SIRPB2: variants seen among roughly 807,000 people sequenced by gnomAD.
SIRPB2 encodes the protein signal regulatory protein beta 2.
SIRPB2 carries 18 observed loss-of-function variants against 27.1 expected under a neutral mutation model. That is an observed-to-expected ratio of 0.66 (90% CI 0.46 to 0.98). The LOEUF (loss-of-function observed/expected upper bound fraction) is 0.98. SIRPB2 is among the 50% of genes least tolerant of loss of function. SIRPB2 has a pLI of 0.00. For missense variants in SIRPB2, 420 were observed against 417.4 expected, an observed-to-expected ratio of 1.01 and a Z score of -0.06; for synonymous variants, 150 against 164.6, an observed-to-expected ratio of 0.91 and a Z score of 0.68.
At chr20:1,473,473 T>A (rs914497208), downstream of SIRPB2, among the ~76,000 whole-genome samples, 3 of 151,922 alleles carry the variant, frequency 2.0e-5, no homozygotes, top group African/African-American at 7.3e-5. Flanking sequence ...CACACACACA[T>A]GCATGTGCGC....
intron 1 of SIRPB2, among the ~76,000 whole-genome samples, chr20:1,480,985 T>A (rs1423860590): frequency 6.6e-6 from 1 of 152,192 alleles, no homozygotes; most frequent in African/African-American, 2.4e-5. Flanking sequence ...GTTAATGTGT[T>A]ATGAAGTGAG....
chr20:1,480,249 T>A, intron 1 of SIRPB2, 184 bp from the exon 2 acceptor site: 1 of 741,728 alleles, frequency 1.3e-6, no homozygotes, highest in East Asian at 2.7e-5. Flanking sequence ...AACTGAGCTA[T>A]GCAATGGCAA....
chr20:1,480,752 C>T (rs976983162), intron 1 of SIRPB2, among the ~76,000 whole-genome samples: 13 of 152,138 alleles, frequency 8.5e-5, no homozygotes, highest in African/African-American at 2.9e-4. Context: ...TTCTATTGTT[C>T]AAGCCGCCCA....
chr20:1,480,241 C>T (rs2090656689), intron 1 of SIRPB2, 176 bp from the exon 2 acceptor site: 2 of 814,356 alleles, frequency 2.5e-6, no homozygotes, highest in Admixed American at 5.9e-5. Context: ...AGAGAGAGAA[C>T]TGAGCTATGC....
intron 3 of SIRPB2, 130 bp from the exon 4 acceptor site, chr20:1,477,533 C>T (rs2090618551): frequency 6.8e-7 from 1 of 1,466,338 alleles, no homozygotes; most frequent in South Asian, 1.4e-5. Flanking sequence ...AAGTCAAACC[C>T]TGCAGCTATG....
chr20:1,478,214 C>A, intron 3 of SIRPB2, 52 bp downstream of exon 3: 1 of 1,553,104 alleles, frequency 6.4e-7, no homozygotes, highest in Non-Finnish European at 8.8e-7. Context: ...AGAAAAATTC[C>A]TGTTGAATAC....
At chr20:1,478,753 G>A (rs568649752) in intron 2 of SIRPB2, 146 bp from the exon 3 acceptor site, 479 of 649,116 alleles carry the variant, frequency 7.4e-4, no homozygotes, top group Non-Finnish European at 1.1e-3. Flanking sequence ...CTCACCAGTT[G>A]ACTCATTCAG....
intron 1 of SIRPB2, chr20:1,480,311 G>A (rs1043237736): frequency 1.7e-4 from 81 of 476,076 alleles, no homozygotes; most frequent in African/African-American, 1.3e-3. Context: ...TGGGCCCTGC[G>A]TGCATGATGT....
chr20:1,489,681 C>T (rs913879870), intron 1 of SIRPB2, among the ~76,000 whole-genome samples: 10 of 152,128 alleles, frequency 6.6e-5, no homozygotes, highest in African/African-American at 2.2e-4. Context: ...CATCCTCTGC[C>T]TTTCATGGTT....
chr20:1,482,863 G>C (rs1044899407), intron 1 of SIRPB2, among the ~76,000 whole-genome samples: 1 of 151,772 alleles, frequency 6.6e-6, no homozygotes, highest in African/African-American at 2.4e-5. Flanking sequence ...ATTGATTGAC[G>C]CTTAGATTGA....
intron 1 of SIRPB2, among the ~76,000 whole-genome samples, chr20:1,481,582 A>G (rs1379899733): frequency 1.3e-5 from 2 of 152,168 alleles, no homozygotes; most frequent in African/African-American, 4.8e-5. Flanking sequence ...GAATGAGGCA[A>G]GGAGAGTAAG....
intron 1 of SIRPB2, among the ~76,000 whole-genome samples, chr20:1,488,645 C>G (rs1472416599): frequency 6.5e-5 from 3 of 46,058 alleles, no homozygotes; most frequent in Admixed American, 1.7e-4. Flanking sequence ...GAGACCCTGT[C>G]TCAAAAAAAA....
chr20:1,480,112 A>G, intron 1 of SIRPB2, 47 bp from the exon 2 acceptor site: 1 of 1,540,504 alleles, frequency 6.5e-7, no homozygotes, highest in South Asian at 1.2e-5. Flanking sequence ...AAGGACTTGG[A>G]GCCCTAAATG....
chr20:1,480,819 G>C (rs555860672), intron 1 of SIRPB2, among the ~76,000 whole-genome samples: 1 of 152,276 alleles, frequency 6.6e-6, no homozygotes, highest in Non-Finnish European at 1.5e-5. Flanking sequence ...TCAGTAAGAG[G>C]GTGACAGGCT....
At chr20:1,472,618 A>G (rs563212626), downstream of SIRPB2, 14 of 152,338 alleles carry the variant, frequency 9.2e-5, no homozygotes, top group African/African-American at 2.9e-4. Flanking sequence ...GGTGCTGCAC[A>G]TATACCAATG....
chr20:1,489,212 C>T (rs1045092520), intron 1 of SIRPB2, among the ~76,000 whole-genome samples: 8 of 152,192 alleles, frequency 5.3e-5, no homozygotes, highest in South Asian at 2.1e-4. Context: ...GTGGCAAGGA[C>T]GAATCACAAG....
intron 1 of SIRPB2, among the ~76,000 whole-genome samples, chr20:1,481,891 G>T (rs1043602378): frequency 6.6e-6 from 1 of 151,990 alleles, no homozygotes; most frequent in Non-Finnish European, 1.5e-5. Context: ...TCACACACAC[G>T]TACAGGACTG....
At position 1,488,150 on chromosome 20, in the gene SIRPB2, G is replaced by C. The variant is rs2090744329; in HGVS notation, c.85+3125C>G. 2.0e-5 allele frequency among the ~76,000 whole-genome samples: 3 copies of C among 152,032 alleles called. No individual in the cohort carries two copies. The South Asian group carries it at 6.2e-4, about 32-fold the overall frequency. Reference sequence around the variant, plus strand: ...GAAAACACTTGTAAAAGAATAAAAAGACAAGTCACAGAGTAGGAGAAAAAT... The same window carrying C: ...GAAAACACTTGTAAAAGAATAAAAACACAAGTCACAGAGTAGGAGAAAAAT... On this transcript the variant is annotated intron_variant, in intron 1 of 4. Coordinates refer to ENST00000359801, the MANE Select transcript of SIRPB2 (RefSeq NM_001122962.2).
chr20:1,487,693 C>T (rs1181276821), intron 1 of SIRPB2, among the ~76,000 whole-genome samples: 2 of 152,134 alleles, frequency 1.3e-5, no homozygotes, highest in Non-Finnish European at 2.9e-5. Context: ...GAGTGCAGTG[C>T]TATTTTGGGT....
Sources: allele counts gnomAD v4.1 joint callset (sites outside exome capture counted in the v4.1 genomes callset), GRCh38; gene constraint gnomAD v4.1.1; transcripts MANE v1.5; gene names NCBI Gene and HGNC (gene_info 2026-07-23, HGNC 2026-07-21).